PCDHGA8: variants seen among roughly 807,000 people sequenced by gnomAD.
PCDHGA8 encodes the protein protocadherin gamma subfamily A, 8, also known as protocadherin gamma-A8.
In PCDHGA8, 45 loss-of-function variants were observed where a neutral mutation model predicts 59.2. That is an observed-to-expected ratio of 0.76 (90% CI 0.60 to 0.98). PCDHGA8 has a LOEUF of 0.98. Ranked by LOEUF, PCDHGA8 falls within the 50% of genes least tolerant of loss-of-function variation. PCDHGA8 has a pLI of 0.00. For missense variants in PCDHGA8, 1,257 were observed against 1,196.2 expected (o/e 1.05, Z -0.75); for synonymous variants, 531 against 519.0 (o/e 1.02, Z -0.32).
chr5:141,415,128 G>C (rs376477668), intron 1 of PCDHGA8: 33 of 1,613,528 alleles, frequency 2.0e-5, no homozygotes, highest in Admixed American at 5.0e-5. Context: ...TGGCCGTCCA[G>C]GACCACGGCC....
rs760676891 is a variant in PCDHGA8, at chr5:141,413,180, CCGCTCAAAGGAAT to C, written c.2424+17958_2424+17970del. The C allele has an allele frequency of 6.9e-5, 111 of 1,602,612 alleles. No individual in the cohort carries two copies. The East Asian group carries it at 9.6e-4, about 14-fold the overall frequency. ...GAATTCTGTAACCAGACTACAATGG[CCGCTCAAAGGAAT>C]CGCTCAAAGGAATCAAAGGATTGCA... On this transcript the variant is annotated intron_variant, in intron 1 of 3. Transcript: ENST00000398604.
chr5:141,445,048 A>G (rs1364884310), intron 1 of PCDHGA8, among the ~76,000 whole-genome samples: 4 of 152,234 alleles, frequency 2.6e-5, no homozygotes, highest in Non-Finnish European at 5.9e-5. Flanking sequence ...TTTTCAGTGT[A>G]GAGAGGTCAT....
chr5:141,394,584 G>A lies in PCDHGA8; in HGVS notation c.1771G>A (p.Val591Met). 6.2e-7 allele frequency: 1 copy of A among 1,613,902 alleles called. No individual in the cohort carries two copies. The change falls in exon 1 of 4, where the codon GTG (valine) becomes ATG (methionine). Residue 591 changes from valine to methionine, a missense_variant. Coordinates refer to ENST00000398604, the MANE Select transcript of PCDHGA8 (RefSeq NM_032088.2). ...SAERGYLVTK[V>M]VAVDRDSGQN... ...AGAGCGTGGCTACCTGGTGACCAAG[G>A]TGGTGGCGGTGGACAGAGACTCGGG...
intron 1 of PCDHGA8, among the ~76,000 whole-genome samples, chr5:141,458,719 G>A (rs891521416): frequency 5.9e-5 from 9 of 151,684 alleles, no homozygotes; most frequent in Non-Finnish European, 1.2e-4. Context: ...ACAGGTATTC[G>A]CCACCACATC....
intron 1 of PCDHGA8, among the ~76,000 whole-genome samples, chr5:141,492,167 C>T (rs565536989): frequency 6.6e-6 from 1 of 152,344 alleles, no homozygotes; most frequent in East Asian, 1.9e-4. Context: ...CCTATCCCCG[C>T]ATCACCCAAC....
At chr5:141,405,049 C>A in intron 1 of PCDHGA8, 2 of 1,613,936 alleles carry the variant, frequency 1.2e-6, no homozygotes, top group South Asian at 2.2e-5. Flanking sequence ...CTGTGGCAGT[C>A]GTCTCCTGTG....
At chr5:141,430,084 A>G (rs538721051) in intron 1 of PCDHGA8, among the ~76,000 whole-genome samples, 2 of 152,292 alleles carry the variant, frequency 1.3e-5, no homozygotes, top group Admixed American at 1.3e-4. Context: ...AATATCATGA[A>G]AATTTGATTT....
chr5:141,413,372 G>T lies in PCDHGA8; in HGVS notation c.2424+18135G>T, dbSNP rs760934804. ...CTGGCGCCCCGGGAGCTGGCGGAGCGCGGAGTCCGCATAGTCTCCAGAGGT... is the reference window on the plus strand; with the variant it reads ...CTGGCGCCCCGGGAGCTGGCGGAGCTCGGAGTCCGCATAGTCTCCAGAGGT... On this transcript the variant is annotated intron_variant, in intron 1 of 3. Transcript: ENST00000398604. The T allele has an allele frequency of 1.9e-6, 3 of 1,613,950 alleles. No individual in the cohort carries two copies. The South Asian group carries it at 3.3e-5, about 18-fold the overall frequency.
chr5:141,422,744 T>C, intron 1 of PCDHGA8: 1 of 1,610,696 alleles, frequency 6.2e-7, no homozygotes, highest in Non-Finnish European at 8.5e-7. Flanking sequence ...TCCTCCTATG[T>C]CTCTATTAAC....
In PCDHGA8 at chr5:141,476,883, A is replaced by G. The variant is rs1266909654; in HGVS notation, c.2425-17924A>G. ...TTGTACCGGGCGCGCGTCCTGGAGG[A>G]TGCACCCTCCGGCACGCGCGTGGTA... On this transcript the variant is annotated intron_variant, in intron 1 of 3. Coordinates refer to ENST00000398604, the MANE Select transcript of PCDHGA8 (RefSeq NM_032088.2). This position sits in a 1 kb window ranked among gnomAD's most constrained non-coding sequence, Gnocchi z 7.6. 1 of 1,613,916 alleles carries G rather than the reference A, an allele frequency of 6.2e-7. No individual in the cohort carries two copies. The highest frequency in any genetic ancestry group is 8.5e-7 in the Non-Finnish European group (1 of 1,180,026).
intron 1 of PCDHGA8, among the ~76,000 whole-genome samples, chr5:141,482,356 G>A (rs1330274684): frequency 6.6e-6 from 1 of 152,118 alleles, no homozygotes; most frequent in Non-Finnish European, 1.5e-5. Flanking sequence ...TGTTGTGAGA[G>A]TGAAAAGTAA....
intron 1 of PCDHGA8, among the ~76,000 whole-genome samples, chr5:141,457,694 C>G (rs891323419): frequency 6.6e-6 from 1 of 152,214 alleles, no homozygotes; most frequent in Non-Finnish European, 1.5e-5. Flanking sequence ...TTTGGATTGG[C>G]TTTGATGAAA....
chr5:141,430,790 A>G, intron 1 of PCDHGA8: 1 of 1,516,892 alleles, frequency 6.6e-7, no homozygotes, highest in South Asian at 1.3e-5. Context: ...CCGGGACTAC[A>G]AAGGGCTTGT....
chr5:141,441,867 G>T, intron 1 of PCDHGA8: 1 of 345,800 alleles, frequency 2.9e-6, no homozygotes, highest in Non-Finnish European at 5.6e-6. Flanking sequence ...ACGCCGCGGA[G>T]CCTGGCTACC....
In PCDHGA8 at chr5:141,476,374, GTTTGTGAACGACCGTC is replaced by G. The variant is rs1424626307; in HGVS notation, c.2425-18431_2425-18416del. 1 of 1,614,060 alleles carries G rather than the reference GTTTGTGAACGACCGTC, an allele frequency of 6.2e-7. No individual in the cohort carries two copies. The highest frequency in any genetic ancestry group is 1.3e-5 in the African/African-American group (1 of 74,922). Reference sequence around the variant, plus strand: ...AGGTGAACCGGGAGACCGGAGAGATGTTTGTGAACGACCGTCTGGATCGAGAGGAGCTGTGTGGGAC... The same window carrying G: ...AGGTGAACCGGGAGACCGGAGAGATGTGGATCGAGAGGAGCTGTGTGGGAC... On this transcript the variant is annotated intron_variant, in intron 1 of 3. Coordinates refer to ENST00000398604, the MANE Select transcript of PCDHGA8 (RefSeq NM_032088.2). The surrounding 1 kb of genome is among the most constrained non-coding windows in gnomAD (Gnocchi z 7.6).
At chr5:141,502,697 T>C (rs893610041) in intron 2 of PCDHGA8, among the ~76,000 whole-genome samples, 13 of 152,208 alleles carry the variant, frequency 8.5e-5, no homozygotes, top group African/African-American at 3.1e-4. Context: ...CTTGCCTGTA[T>C]CTGTTTTTAC....
chr5:141,409,238 G>A (rs2095245468), intron 1 of PCDHGA8: 1 of 1,614,002 alleles, frequency 6.2e-7, no homozygotes, highest in Non-Finnish European at 8.5e-7. Flanking sequence ...CAACAGCCCA[G>A]AAATAATCAT....
At position 141,486,646 on chromosome 5, in the gene PCDHGA8, C is replaced by T; in HGVS notation, c.2425-8161C>T. On this transcript the variant is annotated intron_variant, in intron 1 of 3. Transcript: ENST00000398604. The surrounding 1 kb of genome is among the most constrained non-coding windows in gnomAD (Gnocchi z 5.0). ...ACTCTGGCTTGAATGCGCTTATCTC[C>T]TACTCACTCCTGGAGCCCAGGAATC... is the stretch of plus-strand genomic sequence containing the variant. 4.3e-6 allele frequency: 7 copies of T among 1,613,916 alleles called. No individual in the cohort carries two copies. Among genetic ancestry groups the T allele is most frequent in the African/African-American group, 1.3e-5 (1 of 75,058 alleles).
At chr5:141,458,632 C>T (rs779075931) in intron 1 of PCDHGA8, among the ~76,000 whole-genome samples, 1 of 151,898 alleles carries the variant, frequency 6.6e-6, no homozygotes, top group Non-Finnish European at 1.5e-5. Context: ...TGCAGTGGCA[C>T]AATCCCAGCT....
Sources: gnomAD v4.1 joint callset for allele counts (sites outside exome capture counted in the v4.1 genomes callset) on GRCh38, gnomAD v4.1.1 for gene constraint, Gnocchi (gnomAD v3.1) non-coding constraint, MANE v1.5 for transcripts, NCBI Gene and HGNC (gene_info 2026-07-23, HGNC 2026-07-21) for gene names.